CEP128: variants seen among roughly 807,000 people sequenced by gnomAD.
The protein encoded by CEP128 is centrosomal protein 128.
Under a neutral mutation model 156.7 loss-of-function variants are expected in CEP128, and 132 were observed. The ratio of observed to expected loss-of-function variants is 0.84; its 90% CI spans 0.73 to 0.97. The LOEUF (loss-of-function observed/expected upper bound fraction) is 0.97, where lower values mean the gene tolerates loss of function less well. Among genes scored for constraint, CEP128 ranks in the 50% least tolerant of loss-of-function variants. CEP128 has a pLI of 0.00. For missense variants in CEP128, 1,252 were observed against 1,281.9 expected (o/e 0.98, Z 0.36); for synonymous variants, 469 against 448.9 (o/e 1.04, Z -0.57).
chr14:80,689,184 G>A (rs1425811989), intron 19 of CEP128, among the ~76,000 whole-genome samples: 1 of 148,830 alleles, frequency 6.7e-6, no homozygotes, highest in African/African-American at 2.5e-5. Flanking sequence ...ATGAAACCCT[G>A]TATCTACTAA....
intron 23 of CEP128, among the ~76,000 whole-genome samples, chr14:80,525,183 C>T (rs1185996566): frequency 1.3e-5 from 2 of 152,170 alleles, no homozygotes; most frequent in East Asian, 1.9e-4. Flanking sequence ...TTGGAGAACA[C>T]TAATTTTTAC....
chr14:80,537,031 G>A (rs1889515628), intron 21 of CEP128, among the ~76,000 whole-genome samples: 1 of 152,172 alleles, frequency 6.6e-6, no homozygotes, highest in Non-Finnish European at 1.5e-5. Flanking sequence ...AATTCTATTT[G>A]TCTTCATATA....
intron 19 of CEP128, among the ~76,000 whole-genome samples, chr14:80,738,671 T>G (rs1292995961): frequency 6.6e-6 from 1 of 152,172 alleles, no homozygotes; most frequent in Non-Finnish European, 1.5e-5. Context: ...GTAACTTTTA[T>G]TATACTATAT....
At chr14:80,612,152 G>A (rs968671633) in intron 19 of CEP128, among the ~76,000 whole-genome samples, 1 of 152,176 alleles carries the variant, frequency 6.6e-6, no homozygotes, top group East Asian at 1.9e-4. Context: ...TATGTAGTAC[G>A]AGCCACAAAA....
chr14:80,903,378 C>T (rs1212293142), intron 6 of CEP128, among the ~76,000 whole-genome samples: 1 of 152,022 alleles, frequency 6.6e-6, no homozygotes, highest in African/African-American at 2.4e-5. Flanking sequence ...AAATATAAGA[C>T]CTGAAACTGT....
intron 19 of CEP128, among the ~76,000 whole-genome samples, chr14:80,639,315 TAACA>T (rs1256935572): frequency 2.0e-5 from 3 of 152,138 alleles, no homozygotes; most frequent in Non-Finnish European, 4.4e-5. Context: ...ATGCAAAGGC[TAACA>T]AACATATGGG....
chr14:80,636,858 G>T (rs760914761), intron 19 of CEP128, among the ~76,000 whole-genome samples: 1 of 151,992 alleles, frequency 6.6e-6, no homozygotes, highest in East Asian at 1.9e-4. Context: ...AGGCCAACAC[G>T]GGCAGATCAC....
chr14:80,769,922 G>C lies in CEP128; in HGVS notation c.2376+7960C>G, dbSNP rs528987195. ...CAGCTAAGATTGCTTAACTGAAACA[G>C]ATATGATACAGAACTTTCATGTTGC... On this transcript the variant is annotated intron_variant, in intron 16 of 24. Transcript: ENST00000555265. 2.6e-5 allele frequency among the ~76,000 whole-genome samples: 4 copies of C among 152,240 alleles called. No homozygotes were observed. The South Asian group carries it at 8.3e-4, about 32-fold the overall frequency.
chr14:80,754,459 CTTTTTT>C (rs758603562), intron 18 of CEP128, among the ~76,000 whole-genome samples: 1 of 104,808 alleles, frequency 9.5e-6, no homozygotes, highest in Non-Finnish European at 1.9e-5. Context: ...ATGTCCTGTT[CTTTTTT>C]TTTTTTTTTT....
chr14:80,662,137 C>T (rs1895426122), intron 19 of CEP128, among the ~76,000 whole-genome samples: 1 of 152,110 alleles, frequency 6.6e-6, no homozygotes. Flanking sequence ...TATCAGAGTA[C>T]ATTTGTTGAA....
intron 14 of CEP128, among the ~76,000 whole-genome samples, chr14:80,786,490 A>G (rs1343499718): frequency 6.6e-6 from 1 of 152,222 alleles, no homozygotes; most frequent in Non-Finnish European, 1.5e-5. Context: ...TAATGAGTCA[A>G]TCACTCCAAA....
At chr14:80,507,656 C>A (rs1045613425) in intron 23 of CEP128, among the ~76,000 whole-genome samples, 1 of 152,166 alleles carries the variant, frequency 6.6e-6, no homozygotes, top group South Asian at 2.1e-4. Context: ...AGCAAACACA[C>A]ACTTTTACTC....
At chr14:80,511,200 G>A (rs1330673096) in intron 23 of CEP128, among the ~76,000 whole-genome samples, 1 of 151,654 alleles carries the variant, frequency 6.6e-6, no homozygotes, top group Non-Finnish European at 1.5e-5. Flanking sequence ...TTCTTTAAGT[G>A]TTTGTTAGAA....
At chr14:80,939,803 AC>A (rs1419469235) in intron 1 of CEP128, among the ~76,000 whole-genome samples, 1 of 152,106 alleles carries the variant, frequency 6.6e-6, no homozygotes, top group Non-Finnish European at 1.5e-5. Flanking sequence ...TCCAGTGTGA[AC>A]CGCAGCCCAA....
intron 2 of CEP128, among the ~76,000 whole-genome samples, chr14:80,924,300 TA>T (rs1279683337): frequency 6.6e-6 from 1 of 152,196 alleles, no homozygotes; most frequent in African/African-American, 2.4e-5. Flanking sequence ...AGTCTTTTGG[TA>T]AATTTATAAA....
chr14:80,805,188 A>T (rs776656236), intron 13 of CEP128, among the ~76,000 whole-genome samples: 4 of 151,998 alleles, frequency 2.6e-5, no homozygotes, highest in Non-Finnish European at 4.4e-5. Context: ...AACCTAGATA[A>T]ATCTCTAGGT....
downstream of CEP128, among the ~76,000 whole-genome samples, chr14:80,495,835 C>G (rs1356853577): frequency 6.6e-6 from 1 of 152,094 alleles, no homozygotes; most frequent in Non-Finnish European, 1.5e-5. Context: ...ATATTTTCTT[C>G]TCTGCTGGTT....
At chr14:80,785,659 A>T (rs1384200069) in intron 14 of CEP128, 114 bp from the exon 15 acceptor site, 2 of 742,506 alleles carry the variant, frequency 2.7e-6, no homozygotes, top group Admixed American at 3.5e-5. Flanking sequence ...AAAAAAATTC[A>T]TCAAATAATT....
chr14:80,861,460 G>T (rs1365730834), intron 9 of CEP128, among the ~76,000 whole-genome samples: 1 of 152,128 alleles, frequency 6.6e-6, no homozygotes, highest in East Asian at 1.9e-4. Context: ...AACATTATAT[G>T]ACTCCTGATA....
Sources: gnomAD v4.1 joint callset for allele counts (sites outside exome capture counted in the v4.1 genomes callset) on GRCh38, gnomAD v4.1.1 for gene constraint, MANE v1.5 for transcripts, NCBI Gene and HGNC (gene_info 2026-07-23, HGNC 2026-07-21) for gene names.